LRP1B: variants seen among roughly 807,000 people sequenced by gnomAD.
LRP1B encodes LDL receptor related protein 1B, also known as low-density lipoprotein receptor-related protein 1B.
LRP1B carries 217 observed loss-of-function variants against 556.6 expected under a neutral mutation model. The observed-to-expected ratio is 0.39, with a 90% CI of 0.35 to 0.44. LRP1B has a LOEUF of 0.44. Among genes scored for constraint, LRP1B ranks in the 20% least tolerant of loss-of-function variants. The probability of loss-of-function intolerance (pLI) is 1.00; values close to 1 mark genes in which losing one functional copy is unlikely to be tolerated. For missense variants in LRP1B, 5,053 were observed against 5,620.8 expected (o/e 0.90, Z 3.23); for synonymous variants, 2,047 against 1,865.8 (o/e 1.10, Z -2.50).
chr2:141,785,432 G>A (rs758332586), intron 2 of LRP1B, among the ~76,000 whole-genome samples: 3 of 151,834 alleles, frequency 2.0e-5, no homozygotes, highest in Admixed American at 1.3e-4. Flanking sequence ...ACATACAGTT[G>A]TATGATCACT....
intron 41 of LRP1B, among the ~76,000 whole-genome samples, chr2:140,696,016 G>C (rs1359849070): frequency 6.6e-6 from 1 of 152,088 alleles, no homozygotes; most frequent in Admixed American, 6.6e-5. Context: ...GTGAAATTTA[G>C]AACTCTCTGA....
chr2:141,084,453 T>C (rs1343297697), intron 7 of LRP1B, among the ~76,000 whole-genome samples: 2 of 152,200 alleles, frequency 1.3e-5, no homozygotes, highest in African/African-American at 2.4e-5. Context: ...AAAGTGTAAG[T>C]AATAAACCAT....
rs1245974795 is a variant in LRP1B, at chr2:141,997,456, C to T, written c.82+133192G>A. 6.3e-5 allele frequency among the ~76,000 whole-genome samples: 9 copies of T among 143,868 alleles called. No individual in the cohort carries two copies. The East Asian group carries it at 8.3e-4, about 13-fold the overall frequency. The allele number at this position is 143,868 out of a possible 152,430, so 94.4% of individuals were successfully genotyped here. A position where few individuals can be genotyped will look rare whatever the true frequency, so the allele number is the denominator to read the frequency against. ...GTGTGTGTGTATATACACACACACA[C>T]ACACACACACACACTGTAGAACACA... is the stretch of plus-strand genomic sequence containing the variant. On this transcript the variant is annotated intron_variant, in intron 1 of 90. Transcript: ENST00000389484.
intron 1 of LRP1B, among the ~76,000 whole-genome samples, chr2:141,946,743 T>C (rs1700964079): frequency 6.6e-6 from 1 of 152,206 alleles, no homozygotes. Flanking sequence ...TGTGAAACAA[T>C]GGCCTTTTAG....
chr2:140,618,847 A>G (rs1409233430), intron 41 of LRP1B, among the ~76,000 whole-genome samples: 2 of 151,892 alleles, frequency 1.3e-5, no homozygotes, highest in African/African-American at 4.8e-5. Flanking sequence ...ACGGAGCTGG[A>G]AGATCTTACC....
At chr2:140,424,221 T>G (rs1685566411) in intron 66 of LRP1B, among the ~76,000 whole-genome samples, 1 of 152,216 alleles carries the variant, frequency 6.6e-6, no homozygotes, top group African/African-American at 2.4e-5. Context: ...CCAGTCAAAA[T>G]TATATGAAGA....
intron 28 of LRP1B, among the ~76,000 whole-genome samples, chr2:140,850,922 G>T (rs1373784445): frequency 6.6e-6 from 1 of 152,024 alleles, no homozygotes; most frequent in Non-Finnish European, 1.5e-5. Context: ...AATAGAAATA[G>T]TAGTTACAGA....
At chr2:140,850,985 T>C (rs781256480) in intron 28 of LRP1B, among the ~76,000 whole-genome samples, 5 of 152,162 alleles carry the variant, frequency 3.3e-5, no homozygotes, top group Non-Finnish European at 7.4e-5. Flanking sequence ...AGATATGTTA[T>C]TATGGTGTAA....
At chr2:141,113,469 C>T (rs1370899483) in intron 7 of LRP1B, among the ~76,000 whole-genome samples, 3 of 152,138 alleles carry the variant, frequency 2.0e-5, no homozygotes, top group Admixed American at 2.0e-4. Context: ...CATTTGGTCC[C>T]TTTAAAAACA....
At chr2:141,889,200 T>A (rs556786108) in intron 1 of LRP1B, among the ~76,000 whole-genome samples, 14 of 152,054 alleles carry the variant, frequency 9.2e-5, no homozygotes, top group South Asian at 2.1e-4. Context: ...TAATATTTTT[T>A]AAAAAAACTG....
Position 141,856,349 on chromosome 2 carries a change from C to T in LRP1B, c.83-45948G>A, listed in dbSNP as rs116114324. 3.6e-3 allele frequency among the ~76,000 whole-genome samples: 551 copies of T among 152,268 alleles called. 3 individuals are homozygous for T. Among genetic ancestry groups the T allele is most frequent in the African/African-American group, 0.013 (524 of 41,566 alleles). The stretch of plus-strand genomic sequence containing the variant: ...CTGGAAGGGATCTCAAAAGGATCAT[C>T]TAATCCAGTATTAAGGCAAGAGCTT... On this transcript the variant is annotated intron_variant, in intron 1 of 90. Transcript: ENST00000389484.
intron 11 of LRP1B, among the ~76,000 whole-genome samples, chr2:141,039,803 A>G (rs1462110303): frequency 6.6e-6 from 1 of 152,000 alleles, no homozygotes; most frequent in Non-Finnish European, 1.5e-5. Context: ...CCATATTTTA[A>G]TCTTCTCGTA....
chr2:142,093,149 C>T (rs983273368), intron 1 of LRP1B, among the ~76,000 whole-genome samples: 1 of 152,076 alleles, frequency 6.6e-6, no homozygotes, highest in Non-Finnish European at 1.5e-5. Context: ...TCCATCTTGT[C>T]ATCATGTCTA....
rs181423829 is a variant in LRP1B, at chr2:141,791,982, G to A, written c.205+18297C>T. Among the ~76,000 whole-genome samples the A allele has an allele frequency of 2.4e-3, 364 of 151,810 alleles. 2 individuals are homozygous for A. The highest frequency in any genetic ancestry group is 8.4e-3 in the African/African-American group (347 of 41,384). On this transcript the variant is annotated intron_variant, in intron 2 of 90. Transcript: ENST00000389484. ...ATGCCATTAACTTCGGTAAGTGCAC[G>A]TTTGGCAGTTGCATTTTGTTGAAGC...
In LRP1B at chr2:140,614,960, T is replaced by C. The variant is rs764876065; in HGVS notation, c.6800-13321A>G. On this transcript the variant is annotated intron_variant, in intron 41 of 90. Transcript: ENST00000389484. ...TCCTGGGCATAGGCCAAGCTATCTA[T>C]GGGAAGAATTTAGTTTGTAGTTTAA... is the stretch of plus-strand genomic sequence containing the variant. 7.7e-4 allele frequency among the ~76,000 whole-genome samples: 118 copies of C among 152,278 alleles called. 1 individual carries two copies. The highest frequency in any genetic ancestry group is 2.7e-3 in the African/African-American group (111 of 41,580).
rs75853954 is a variant in LRP1B at position 140,549,206 on chromosome 2, T to C, written c.7195-7235A>G. Among the ~76,000 whole-genome samples the C allele has an allele frequency of 3.1e-3, 479 of 152,298 alleles. 4 individuals are homozygous for C. The highest frequency in any genetic ancestry group is 0.011 in the African/African-American group (454 of 41,580). ...GATTCACTAGGTCAGGTATTGACCC[T>C]GAGATTCCGCATTTCTCAGAAGCTT... is the stretch of plus-strand genomic sequence containing the variant. On this transcript the variant is annotated intron_variant, in intron 43 of 90. Transcript: ENST00000389484.
chr2:141,973,108 TAAC>T lies in LRP1B; in HGVS notation c.82+157537_82+157539del, dbSNP rs890827771. Among the ~76,000 whole-genome samples the T allele has an allele frequency of 2.5e-3, 375 of 151,714 alleles. 2 individuals carry two copies. Among genetic ancestry groups the T allele is most frequent in the African/African-American group, 8.1e-3 (337 of 41,522 alleles). On this transcript the variant is annotated intron_variant, in intron 1 of 90. Coordinates refer to ENST00000389484, the MANE Select transcript of LRP1B (RefSeq NM_018557.3). ...TCCATTAACTTACAAACTGCTGAAA[TAAC>T]AAATTTATTTCCAGCTATAGTGGGA...
At chr2:142,092,882 T>A (rs1156333878) in intron 1 of LRP1B, among the ~76,000 whole-genome samples, 1 of 152,116 alleles carries the variant, frequency 6.6e-6, no homozygotes, top group Non-Finnish European at 1.5e-5. Context: ...ATCACCATCA[T>A]AAGTTTTCCA....
chr2:141,794,781 C>G (rs1445667731), intron 2 of LRP1B, among the ~76,000 whole-genome samples: 1 of 151,868 alleles, frequency 6.6e-6, no homozygotes, highest in Admixed American at 6.6e-5. Context: ...AGTCCTATGA[C>G]CAAAGTCAAA....
Sources: allele counts gnomAD v4.1 joint callset (sites outside exome capture counted in the v4.1 genomes callset), GRCh38; gene constraint gnomAD v4.1.1; transcripts MANE v1.5; gene names NCBI Gene and HGNC (gene_info 2026-07-23, HGNC 2026-07-21).